The following PLCB4 variants were observed in gnomAD, a reference collection of about 807,000 sequenced individuals.
The protein encoded by PLCB4 is phospholipase C beta 4, also known as 1-phosphatidylinositol 4,5-bisphosphate phosphodiesterase beta-4.
In PLCB4, 77 loss-of-function variants were observed where a neutral mutation model predicts 178.8. The observed-to-expected ratio is 0.43, with a 90% CI of 0.36 to 0.52. The LOEUF is 0.52. PLCB4 is among the 20% of genes least tolerant of loss of function. PLCB4 has a pLI of 0.00. For synonymous variants in PLCB4, 496 were observed against 490.8 expected (o/e 1.01, Z -0.14); for missense variants, 1,024 against 1,453.4 (o/e 0.70, Z 4.80).
chr20:9,291,698 C>A (rs376379582), intron 3 of PLCB4, among the ~76,000 whole-genome samples: 2 of 151,942 alleles, frequency 1.3e-5, no homozygotes, highest in Non-Finnish European at 2.9e-5. Context: ...CAATTTTGGG[C>A]GCATAAGGAG....
At chr20:9,214,326 G>T (rs6086808) in intron 2 of PLCB4, among the ~76,000 whole-genome samples, 87,718 of 151,928 alleles carry the variant, frequency 0.58, 27,351 homozygotes, top group African/African-American at 0.83. Context: ...ATCTTCATTC[G>T]TTTGCGTGTG....
chr20:9,473,156 T>C, intron 37 of PLCB4, 123 bp from the exon 38 acceptor site: 2 of 599,322 alleles, frequency 3.3e-6, no homozygotes, highest in South Asian at 2.9e-5. Flanking sequence ...AATTTTGAGA[T>C]GATTTTTTAA....
At chr20:9,345,213 A>G (rs1025375639) in intron 7 of PLCB4, among the ~76,000 whole-genome samples, 6 of 152,102 alleles carry the variant, frequency 3.9e-5, no homozygotes, top group Non-Finnish European at 7.4e-5. Context: ...ATACAGCCAA[A>G]TGAAGGTATT....
chr20:9,169,262 A>C (rs2069219213), intron 2 of PLCB4, among the ~76,000 whole-genome samples: 1 of 152,020 alleles, frequency 6.6e-6, no homozygotes, highest in African/African-American at 2.4e-5. Flanking sequence ...GATTTTCATA[A>C]AAACTTTCCA....
rs1206303095 is a variant in PLCB4 at position 9,444,025 on chromosome 20, A to T, written c.2809A>T (p.Met937Leu). The change falls in exon 31 of 40, where the codon ATG becomes TTG. Residue 937 changes from methionine to leucine, a missense_variant. Met to Leu is a conservative substitution (Grantham distance 15). This residue lies in a region of PLCB4 where 227 missense variants were observed against 374.3 expected (regional missense o/e 0.61). Transcript: ENST00000378473. Reference protein sequence around the residue: ...PQVRIEDLKQMKAYLKHLKKQ... With the variant: ...PQVRIEDLKQLKAYLKHLKKQ... ...AGTAAGGATAGAAGACTTAAAGCAGATGAAGGTAAAATTGCTTGACTATTT... is the reference window on the plus strand; with the variant it reads ...AGTAAGGATAGAAGACTTAAAGCAGTTGAAGGTAAAATTGCTTGACTATTT... 7.5e-6 allele frequency: 12 copies of T among 1,600,782 alleles called. No individual in the cohort carries two copies. The highest frequency in any genetic ancestry group is 1.0e-5 in the Non-Finnish European group (12 of 1,171,180).
At position 9,243,609 on chromosome 20, in the gene PLCB4, C is replaced by T. The variant is rs1291245914; in HGVS notation, c.-16+26157C>T. On this transcript the variant is annotated intron_variant, in intron 3 of 39. Coordinates refer to ENST00000378473, the MANE Select transcript of PLCB4 (RefSeq NM_001377142.1). ...TGAAGCTGCAATTTTTTGCATCCTT[C>T]TTTTTTGAAAAGCGCATAGCCTTTT... Among the ~76,000 whole-genome samples the T allele has an allele frequency of 5.3e-5, 8 of 152,176 alleles. 1 individual carries two copies. Among genetic ancestry groups the T allele is most frequent in the Non-Finnish European group, 1.0e-4 (7 of 68,016 alleles).
In PLCB4 at chr20:9,134,024, T is replaced by G. The variant is rs555019281; in HGVS notation, c.-79+37682T>G. ...GAATTTTTGAGAAATGAAGGACTGG[T>G]TCAAGGCACTGTCTTTTGCCCCAAG... is the stretch of plus-strand genomic sequence containing the variant. On this transcript the variant is annotated intron_variant, in intron 2 of 39. Transcript: ENST00000378473. 6.4e-4 allele frequency among the ~76,000 whole-genome samples: 97 copies of G among 152,264 alleles called. 1 individual carries two copies. The highest frequency in any genetic ancestry group is 3.4e-3 in the Middle Eastern group (1 of 294).
At chr20:9,439,578 G>A (rs928184217) in intron 30 of PLCB4, among the ~76,000 whole-genome samples, 3 of 152,206 alleles carry the variant, frequency 2.0e-5, no homozygotes, top group African/African-American at 7.2e-5. Context: ...AAAAACAGCA[G>A]TATAGAAAAG....
intron 3 of PLCB4, among the ~76,000 whole-genome samples, chr20:9,221,743 T>C (rs1369207258): frequency 1.3e-5 from 2 of 152,192 alleles, no homozygotes; most frequent in Non-Finnish European, 2.9e-5. Flanking sequence ...GTTTTAGAAA[T>C]AGAAAACTTG....
chr20:9,289,295 T>TA (rs2094560355), intron 3 of PLCB4, among the ~76,000 whole-genome samples: 1 of 152,114 alleles, frequency 6.6e-6, no homozygotes, highest in African/African-American at 2.4e-5. Flanking sequence ...CCTAAGTGGC[T>TA]AGATTGTGAT....
intron 3 of PLCB4, among the ~76,000 whole-genome samples, chr20:9,284,555 G>A (rs149504270): frequency 6.6e-5 from 10 of 152,066 alleles, no homozygotes; most frequent in African/African-American, 1.7e-4. Context: ...TGAAGAAAGA[G>A]TTGGGGGAGA....
chr20:9,220,688 T>A (rs747461763), intron 3 of PLCB4, among the ~76,000 whole-genome samples: 35 of 152,224 alleles, frequency 2.3e-4, no homozygotes, highest in Non-Finnish European at 4.0e-4. Context: ...GTGTTAGGCA[T>A]GCAGCTCACC....
intron 2 of PLCB4, among the ~76,000 whole-genome samples, chr20:9,196,796 AC>A (rs2093477927): frequency 6.6e-6 from 1 of 152,170 alleles, no homozygotes; most frequent in Non-Finnish European, 1.5e-5. Context: ...AATATTTAGT[AC>A]AAAGGTTCTC....
chr20:9,070,143 AG>A (rs2089493180), intron 1 of PLCB4, among the ~76,000 whole-genome samples: 1 of 152,186 alleles, frequency 6.6e-6, no homozygotes, highest in African/African-American at 2.4e-5. Flanking sequence ...AAACATAGGC[AG>A]CTATGTATCA....
At chr20:9,208,788 A>G (rs1197343086) in intron 2 of PLCB4, among the ~76,000 whole-genome samples, 1 of 152,158 alleles carries the variant, frequency 6.6e-6, no homozygotes, top group Non-Finnish European at 1.5e-5. Context: ...CAGTCCTCCC[A>G]TCTTGGCATT....
chr20:9,384,072 G>A, intron 13 of PLCB4, 129 bp from the exon 14 acceptor site: 1 of 680,022 alleles, frequency 1.5e-6, no homozygotes. Context: ...ACAGATGAAA[G>A]TTCTTGGGAA....
At chr20:9,106,539 GCACACA>G (rs374743256) in intron 2 of PLCB4, among the ~76,000 whole-genome samples, 2 of 144,214 alleles carry the variant, frequency 1.4e-5, no homozygotes, top group Non-Finnish European at 3.1e-5. Context: ...TGACACACAT[GCACACA>G]CACACACACA....
chr20:9,459,808 C>A lies in PLCB4; in HGVS notation c.3246C>A (p.Asp1082Glu), dbSNP rs2043282536. The A allele has an allele frequency of 3.1e-6, 5 of 1,595,162 alleles. No homozygotes were observed. Among genetic ancestry groups the A allele is most frequent in the African/African-American group, 1.3e-5 (1 of 74,624 alleles). The change falls in exon 35 of 40, where the codon GAC becomes GAA. Residue 1082 changes from aspartate (D) to glutamate (E), a missense_variant and splice_region_variant. By Grantham distance (45) the Asp-to-Glu change is conservative. Around this residue, in one of 7 missense-constraint regions of PLCB4, gnomAD observed 264 missense variants for 283.2 expected, o/e 0.93. Coordinates refer to ENST00000378473, the MANE Select transcript of PLCB4 (RefSeq NM_001377142.1). Reference protein sequence around the residue: ...QQTQQLKLSHDRESKEMRAHQ... With the variant: ...QQTQQLKLSHERESKEMRAHQ... ...CCCAGCAGCTGAAACTGTCCCATGA[C>A]AGGTGGGGGAATTGCCGTCTCCAGA...
chr20:9,432,388 C>A lies in PLCB4; in HGVS notation c.2525-3172C>A, dbSNP rs1486936478. 2.0e-5 allele frequency among the ~76,000 whole-genome samples: 3 copies of A among 152,144 alleles called. No individual in the cohort carries two copies. The South Asian group carries it at 6.2e-4, about 32-fold the overall frequency. Reference sequence around the variant, plus strand: ...AAAAATGCCATATACTCTCTTCAGGCCCCCAGACTGATTATATGTTATTAA... The same window carrying A: ...AAAAATGCCATATACTCTCTTCAGGACCCCAGACTGATTATATGTTATTAA... On this transcript the variant is annotated intron_variant, in intron 28 of 39. Coordinates refer to ENST00000378473, the MANE Select transcript of PLCB4 (RefSeq NM_001377142.1).
Sources: gnomAD v4.1 joint callset for allele counts (sites outside exome capture counted in the v4.1 genomes callset) on GRCh38, gnomAD v4.1.1 for gene constraint, gnomAD v4.1.1 regional missense constraint, MANE v1.5 for transcripts, NCBI Gene and HGNC (gene_info 2026-07-23, HGNC 2026-07-21) for gene names.